Variants in HIBADH observed in about 807,000 individuals in gnomAD.
The protein encoded by HIBADH is 3-hydroxyisobutyrate dehydrogenase.
A neutral mutation model predicts 36.1 loss-of-function variants in HIBADH; 25 were observed. The ratio of observed to expected loss-of-function variants is 0.69; its 90% CI spans 0.50 to 0.97. The LOEUF (loss-of-function observed/expected upper bound fraction) is 0.97. Ranked by LOEUF, HIBADH falls within the 50% of genes least tolerant of loss-of-function variation. The pLI is 0.00. For missense variants in HIBADH, 421 were observed against 418.0 expected, an observed-to-expected ratio of 1.01 and a Z score of -0.06; for synonymous variants, 160 against 149.5, an observed-to-expected ratio of 1.07 and a Z score of -0.51.
chr7:27,640,883 C>CT (rs1785948837), intron 2 of HIBADH, among the ~76,000 whole-genome samples: 1 of 152,138 alleles, frequency 6.6e-6, no homozygotes, highest in Non-Finnish European at 1.5e-5. Flanking sequence ...TAAAAATACT[C>CT]TATTATAATC....
At chr7:27,615,195 C>T (rs1240960135) in intron 4 of HIBADH, among the ~76,000 whole-genome samples, 1 of 152,080 alleles carries the variant, frequency 6.6e-6, no homozygotes, top group Non-Finnish European at 1.5e-5. Flanking sequence ...AGAATCCCTT[C>T]TGATAACTAT....
intron 1 of HIBADH, among the ~76,000 whole-genome samples, chr7:27,659,664 A>G (rs1786377343): frequency 6.6e-6 from 1 of 152,118 alleles, no homozygotes; most frequent in Admixed American, 6.6e-5. Flanking sequence ...TGAGGCTGCA[A>G]TGAGCCATGA....
chr7:27,585,240 C>T (rs534866410), intron 4 of HIBADH, among the ~76,000 whole-genome samples: 26 of 145,736 alleles, frequency 1.8e-4, no homozygotes, highest in African/African-American at 5.7e-4. Context: ...TGTGCACACA[C>T]GTGTGCATAT....
chr7:27,653,773 T>A (rs1178482635), intron 1 of HIBADH, among the ~76,000 whole-genome samples: 1 of 150,630 alleles, frequency 6.6e-6, no homozygotes, highest in Admixed American at 6.6e-5. Flanking sequence ...AAGGTTTCAG[T>A]GATAGGATGA....
At chr7:27,603,903 G>A (rs558136381) in intron 4 of HIBADH, among the ~76,000 whole-genome samples, 104 of 152,188 alleles carry the variant, frequency 6.8e-4, no homozygotes, top group Non-Finnish European at 1.3e-3. Flanking sequence ...TGCTTTGACT[G>A]CTAACATTTA....
intron 6 of HIBADH, among the ~76,000 whole-genome samples, chr7:27,532,809 G>C (rs1265310971): frequency 1.3e-5 from 2 of 152,186 alleles, no homozygotes; most frequent in African/African-American, 2.4e-5. Flanking sequence ...TGCATGCATA[G>C]TATGCTACTG....
chr7:27,580,753 G>C (rs1784775788), intron 4 of HIBADH, among the ~76,000 whole-genome samples: 1 of 152,210 alleles, frequency 6.6e-6, no homozygotes, highest in Non-Finnish European at 1.5e-5. Context: ...TCTTTGGTCT[G>C]TGGAGTTTAC....
At chr7:27,618,606 C>T (rs1462586516) in intron 4 of HIBADH, among the ~76,000 whole-genome samples, 2 of 152,222 alleles carry the variant, frequency 1.3e-5, no homozygotes, top group Non-Finnish European at 2.9e-5. Flanking sequence ...AATTGGTCCA[C>T]TGGTAACCAC....
chr7:27,588,378 G>A (rs1279037508), intron 4 of HIBADH, among the ~76,000 whole-genome samples: 1 of 152,156 alleles, frequency 6.6e-6, no homozygotes, highest in Non-Finnish European at 1.5e-5. Context: ...ACCCAGGATG[G>A]AATGCAGTGG....
At chr7:27,529,608 G>A (rs1300086266) in intron 7 of HIBADH, among the ~76,000 whole-genome samples, 2 of 152,334 alleles carry the variant, frequency 1.3e-5, no homozygotes, top group Admixed American at 6.5e-5. Flanking sequence ...GGGATGAGGA[G>A]TTGCTTCTTA....
At chr7:27,601,140 G>A (rs146423002) in intron 4 of HIBADH, among the ~76,000 whole-genome samples, 1 of 152,066 alleles carries the variant, frequency 6.6e-6, no homozygotes, top group South Asian at 2.1e-4. Flanking sequence ...GTATGGGCCG[G>A]TTGATTGGAT....
chr7:27,574,437 T>C (rs1172583230), intron 4 of HIBADH, among the ~76,000 whole-genome samples: 1 of 152,130 alleles, frequency 6.6e-6, no homozygotes, highest in African/African-American at 2.4e-5. Flanking sequence ...TTGAAAATAA[T>C]AGGGACCTAA....
At chr7:27,589,386 A>T (rs1784909276) in intron 4 of HIBADH, among the ~76,000 whole-genome samples, 1 of 152,170 alleles carries the variant, frequency 6.6e-6, no homozygotes, top group South Asian at 2.1e-4. Flanking sequence ...CTAGCTCTCA[A>T]ATTCTTATTG....
At chr7:27,633,510 T>C (rs1336816500) in intron 2 of HIBADH, among the ~76,000 whole-genome samples, 3 of 151,836 alleles carry the variant, frequency 2.0e-5, no homozygotes, top group Non-Finnish European at 1.5e-5. Context: ...AATAGAAAAA[T>C]TAGCTGGGTG....
intron 2 of HIBADH, among the ~76,000 whole-genome samples, chr7:27,648,228 A>T (rs1786112558): frequency 6.6e-6 from 1 of 152,174 alleles, no homozygotes; most frequent in African/African-American, 2.4e-5. Flanking sequence ...AATCTCTCCA[A>T]CAAGGCTACT....
At chr7:27,575,692 C>T (rs529658303) in intron 4 of HIBADH, among the ~76,000 whole-genome samples, 24 of 152,284 alleles carry the variant, frequency 1.6e-4, no homozygotes, top group African/African-American at 5.5e-4. Context: ...AAATAATGCA[C>T]AGGGCTGTTT....
intron 4 of HIBADH, among the ~76,000 whole-genome samples, chr7:27,602,923 C>A (rs934640413): frequency 6.6e-6 from 1 of 152,098 alleles, no homozygotes; most frequent in African/African-American, 2.4e-5. Context: ...CAGCACCCAC[C>A]CATTCCCAAA....
chr7:27,555,144 G>T (rs748201350), intron 4 of HIBADH, among the ~76,000 whole-genome samples: 9 of 151,980 alleles, frequency 5.9e-5, no homozygotes, highest in Non-Finnish European at 1.2e-4. Context: ...TTTATTTTTG[G>T]TCTACTTCAA....
At chr7:27,556,590 T>C (rs973124489) in intron 4 of HIBADH, among the ~76,000 whole-genome samples, 1 of 152,234 alleles carries the variant, frequency 6.6e-6, no homozygotes, top group Non-Finnish European at 1.5e-5. Context: ...CTGCTATTTA[T>C]TTTCAGTGTA....
Sources: gnomAD v4.1 joint callset for allele counts (sites outside exome capture counted in the v4.1 genomes callset) on GRCh38, gnomAD v4.1.1 for gene constraint, MANE v1.5 for transcripts, NCBI Gene and HGNC (gene_info 2026-07-23, HGNC 2026-07-21) for gene names.